BOP1: variants seen among roughly 807,000 people sequenced by gnomAD.
BOP1 encodes BOP1 ribosomal biogenesis factor.
BOP1 carries 54 observed loss-of-function variants against 82.9 expected under a neutral mutation model. The observed-to-expected ratio is 0.65, with a 90% CI of 0.52 to 0.82. BOP1 has a LOEUF of 0.82. Ranked by LOEUF, BOP1 falls within the 40% of genes least tolerant of loss-of-function variation. BOP1 has a pLI of 0.00. For synonymous variants in BOP1, 566 were observed against 451.1 expected (o/e 1.25, Z -3.23); for missense variants, 1,170 against 1,072.0 (o/e 1.09, Z -1.28).
At chr8:144,266,249 C>G (rs1845359063) in intron 3 of BOP1, among the ~76,000 whole-genome samples, 1 of 152,142 alleles carries the variant, frequency 6.6e-6, no homozygotes, top group Admixed American at 6.5e-5. Flanking sequence ...CAGAAGCGAC[C>G]TCCCAGTTCC....
At chr8:144,263,454 C>G in intron 11 of BOP1, 24 bp downstream of exon 11, 1 of 1,597,948 alleles carries the variant, frequency 6.3e-7, no homozygotes, top group Non-Finnish European at 8.5e-7. Context: ...CCCTGGCTCC[C>G]CAGCCCCCAG....
Position 144,263,032 on chromosome 8 carries a change from T to C in BOP1, c.1715A>G (p.Gln572Arg). The change falls in exon 13 of 16, where the codon CAG (glutamine) becomes CGG (arginine). Residue 572 changes from glutamine (Q) to arginine (R), a missense_variant. Coordinates refer to ENST00000569669, the MANE Select transcript of BOP1 (RefSeq NM_015201.5). Reference protein sequence around the residue: ...LIHQLSRRRSQSPFRRSHGQV... With the variant: ...LIHQLSRRRSRSPFRRSHGQV... ...TCCGTGGCTGCGGCGGAACGGACTCTGGCTGCGGCGACGGCTCAGCTGGTG... is the reference window on the plus strand; with the variant it reads ...TCCGTGGCTGCGGCGGAACGGACTCCGGCTGCGGCGACGGCTCAGCTGGTG... 21 of 1,568,552 alleles carry C rather than the reference T, an allele frequency of 1.3e-5. No individual in the cohort carries two copies. The highest frequency in any genetic ancestry group is 1.6e-5 in the Non-Finnish European group (19 of 1,165,796).
At chr8:144,269,594 G>A (rs1353948595) in intron 3 of BOP1, among the ~76,000 whole-genome samples, 1 of 152,236 alleles carries the variant, frequency 6.6e-6, no homozygotes, top group African/African-American at 2.4e-5. Context: ...AAATATAACA[G>A]GATAAAAAGT....
chr8:144,267,425 G>A (rs1370374767), intron 3 of BOP1, among the ~76,000 whole-genome samples: 3 of 152,336 alleles, frequency 2.0e-5, no homozygotes, highest in African/African-American at 7.2e-5. Context: ...AGGGGTAAGA[G>A]CTAGGGATGG....
intron 2 of BOP1, among the ~76,000 whole-genome samples, chr8:144,276,953 C>T (rs1474790825): frequency 3.9e-5 from 6 of 152,214 alleles, no homozygotes; most frequent in African/African-American, 7.2e-5. Context: ...GACCCCATCC[C>T]GCCGGGTCAC....
At chr8:144,268,008 C>T in intron 3 of BOP1, 1 of 1,538,354 alleles carries the variant, frequency 6.5e-7, no homozygotes, top group South Asian at 1.2e-5. Context: ...TGCCTTGGCG[C>T]TGGCCACCTG....
At chr8:144,266,350 G>A (rs1017202740) in intron 3 of BOP1, among the ~76,000 whole-genome samples, 6 of 150,384 alleles carry the variant, frequency 4.0e-5, no homozygotes, top group Non-Finnish European at 7.4e-5. Context: ...GCCGAGGGAC[G>A]CGGCGGGCGC....
intron 3 of BOP1, among the ~76,000 whole-genome samples, chr8:144,274,518 G>A (rs1188801075): frequency 3.9e-5 from 6 of 152,238 alleles, no homozygotes; most frequent in African/African-American, 1.2e-4. Flanking sequence ...TTCTCTGGAC[G>A]GGAGGCATCT....
chr8:144,266,900 C>T (rs1410103353), intron 3 of BOP1: 89 of 1,527,404 alleles, frequency 5.8e-5, no homozygotes, highest in East Asian at 1.1e-4. Flanking sequence ...ACGGCCTTCA[C>T]GGCGCTGCGC....
intron 3 of BOP1, among the ~76,000 whole-genome samples, chr8:144,269,240 CAGAG>C (rs1359429461): frequency 2.0e-5 from 3 of 152,236 alleles, no homozygotes; most frequent in African/African-American, 7.2e-5. Flanking sequence ...TCAGTGGGCA[CAGAG>C]AGAAGAAGGG....
chr8:144,288,552 T>A (rs1814947847), intron 2 of BOP1, among the ~76,000 whole-genome samples: 1 of 152,098 alleles, frequency 6.6e-6, no homozygotes, highest in Admixed American at 6.6e-5. Context: ...TAAAAAAAAA[T>A]AACAAATGCT....
At chr8:144,274,650 A>G (rs906677545) in intron 3 of BOP1, among the ~76,000 whole-genome samples, 3 of 152,092 alleles carry the variant, frequency 2.0e-5, no homozygotes, top group Admixed American at 1.3e-4. Flanking sequence ...AGACCAACAT[A>G]TGGGATAGTC....
chr8:144,270,253 TGCGG>T (rs2130223537), intron 3 of BOP1, among the ~76,000 whole-genome samples: 1 of 151,888 alleles, frequency 6.6e-6, no homozygotes, highest in East Asian at 1.9e-4. Context: ...GGTGGGAAGG[TGCGG>T]GCCAGCATGG....
At chr8:144,266,912 C>T in intron 3 of BOP1, 3 of 1,548,168 alleles carry the variant, frequency 1.9e-6, no homozygotes, top group Non-Finnish European at 2.6e-6. Flanking sequence ...GCGCTGCGCA[C>T]GCTGATCCCC....
chr8:144,282,108 C>G, intron 2 of BOP1, among the ~76,000 whole-genome samples: 1 of 152,376 alleles, frequency 6.6e-6, no homozygotes, highest in Middle Eastern at 3.4e-3. Context: ...CCAGTCCTCG[C>G]TCCGGTGAGC....
chr8:144,268,773 C>T (rs1042805445), intron 3 of BOP1, among the ~76,000 whole-genome samples: 21 of 152,168 alleles, frequency 1.4e-4, no homozygotes, highest in Admixed American at 2.6e-4. Context: ...GAGGGCGAGG[C>T]ACAAGGCAGG....
intron 2 of BOP1, 103 bp downstream of exon 2, chr8:144,288,992 G>T: frequency 7.6e-7 from 1 of 1,313,556 alleles, no homozygotes; most frequent in Non-Finnish European, 1.1e-6. Flanking sequence ...CGGCCTTGGG[G>T]TTCTGAGGGA....
intron 3 of BOP1, among the ~76,000 whole-genome samples, chr8:144,269,615 G>C (rs1474144969): frequency 6.6e-6 from 1 of 152,232 alleles, no homozygotes; most frequent in African/African-American, 2.4e-5. Context: ...CACAACGGCA[G>C]GTTTCGTTCA....
intron 3 of BOP1, among the ~76,000 whole-genome samples, chr8:144,274,455 C>G (rs1225375843): frequency 6.6e-6 from 1 of 152,212 alleles, no homozygotes; most frequent in Non-Finnish European, 1.5e-5. Context: ...AATCACTCCC[C>G]TAGGGCCACC....
Sources: gnomAD v4.1 joint callset for allele counts (sites outside exome capture counted in the v4.1 genomes callset) on GRCh38, gnomAD v4.1.1 for gene constraint, MANE v1.5 for transcripts, NCBI Gene and HGNC (gene_info 2026-07-23, HGNC 2026-07-21) for gene names.